The following SORD variants were observed in gnomAD, a reference collection of about 807,000 sequenced individuals.
SORD encodes the protein (R,R)-butanediol dehydrogenase.
In SORD, 18 loss-of-function variants were observed where a neutral mutation model predicts 35.6. That is an observed-to-expected ratio of 0.51 (90% confidence interval 0.35 to 0.75). The LOEUF is 0.75. Among genes scored for constraint, SORD ranks in the 30% least tolerant of loss-of-function variants. The pLI is 0.01. For missense variants in SORD, 250 were observed against 390.2 expected, an observed-to-expected ratio of 0.64 and a Z score of 3.03; for synonymous variants, 106 against 152.9, an observed-to-expected ratio of 0.69 and a Z score of 2.26.
At chr15:45,045,766 G>A (rs1363488117) in intron 3 of SORD, among the ~76,000 whole-genome samples, 2 of 152,080 alleles carry the variant, frequency 1.3e-5, no homozygotes. Flanking sequence ...CACTTTGGGA[G>A]GCCGAGGCAG....
At chr15:45,036,196 C>T (rs1252454093) in intron 1 of SORD, 1 of 380,344 alleles carries the variant, frequency 2.6e-6, no homozygotes, top group Non-Finnish European at 5.1e-6. Flanking sequence ...GGAACTGTAA[C>T]ACTCAATGCG....
chr15:45,055,669 C>T (rs528854284), intron 3 of SORD, among the ~76,000 whole-genome samples: 271 of 152,244 alleles, frequency 1.8e-3, no homozygotes, highest in African/African-American at 6.2e-3. Context: ...ATACCAAAGC[C>T]GGGCAGAGAC....
At chr15:45,059,341 C>CA (rs953604066) in intron 3 of SORD, among the ~76,000 whole-genome samples, 16 of 149,250 alleles carry the variant, frequency 1.1e-4, no homozygotes, top group African/African-American at 3.7e-4. Context: ...AAAAAACAAA[C>CA]AAAAAAACCA....
At chr15:45,025,385 C>A (rs1266480196) in intron 1 of SORD, among the ~76,000 whole-genome samples, 2 of 152,094 alleles carry the variant, frequency 1.3e-5, no homozygotes, top group African/African-American at 2.4e-5. Context: ...TGCCTGTAAT[C>A]CCAGCACTTT....
chr15:45,039,777 T>C (rs1892936544), intron 1 of SORD, among the ~76,000 whole-genome samples: 1 of 152,158 alleles, frequency 6.6e-6, no homozygotes, highest in Non-Finnish European at 1.5e-5. Context: ...TTCTCCTACC[T>C]GTCTAGCGGG....
At chr15:45,025,282 G>A (rs909154020) in intron 1 of SORD, among the ~76,000 whole-genome samples, 4 of 152,180 alleles carry the variant, frequency 2.6e-5, no homozygotes, top group African/African-American at 9.7e-5. Flanking sequence ...GGAAGTGGTA[G>A]CGTCATTTAC....
chr15:45,053,351 C>A (rs1230524022), intron 3 of SORD, among the ~76,000 whole-genome samples: 1 of 152,160 alleles, frequency 6.6e-6, no homozygotes, highest in Non-Finnish European at 1.5e-5. Flanking sequence ...TTTGATGGAG[C>A]CATTGCTGAA....
chr15:45,034,230 G>T (rs1892824629), intron 1 of SORD, among the ~76,000 whole-genome samples: 1 of 152,020 alleles, frequency 6.6e-6, no homozygotes, highest in Non-Finnish European at 1.5e-5. Flanking sequence ...GCACACAGGG[G>T]TTACATAACT....
chr15:45,034,909 G>C (rs1333842164), intron 1 of SORD, among the ~76,000 whole-genome samples: 2 of 152,208 alleles, frequency 1.3e-5, no homozygotes, highest in East Asian at 3.9e-4. Flanking sequence ...GCGTGGGCTT[G>C]GCGGGCCCCG....
chr15:45,065,277 T>C lies in SORD; in HGVS notation c.432T>C (p.Pro144=), dbSNP rs1342245133. The C allele has an allele frequency of 6.2e-7, 1 of 1,613,256 alleles. No individual in the cohort carries two copies. Among genetic ancestry groups the C allele is most frequent in the African/African-American group, 1.3e-5 (1 of 74,988 alleles). ...GTGTCAATTGACTCCTCAGGCTTCC[T>C]GACAATGTCACCTTTGAGGAAGGCG... ...KHNAAFCYKL[P]DNVTFEEGAL... The change falls in exon 5 of 9, where the codon CCT becomes CCC. Residue 144 remains proline, a synonymous_variant. Coordinates refer to ENST00000267814, the MANE Select transcript of SORD (RefSeq NM_003104.6).
chr15:45,023,256 G>A lies in SORD; in HGVS notation c.-28G>A. The stretch of plus-strand genomic sequence containing the variant: ...GCGACCAAACGTCCCGCGCCTTCCA[G>A]GCCGCACTCCAGAGCCAAAAGAGCT... On this transcript the variant is annotated 5_prime_UTR_variant, in exon 1 of 9. Transcript: ENST00000267814. 1 of 1,538,358 alleles carries A rather than the reference G, an allele frequency of 6.5e-7. No homozygotes were observed. The highest frequency in any genetic ancestry group is 8.7e-7 in the Non-Finnish European group (1 of 1,143,464).
intron 1 of SORD, among the ~76,000 whole-genome samples, chr15:45,023,921 T>G (rs1410971606): frequency 6.6e-6 from 1 of 152,222 alleles, no homozygotes; most frequent in East Asian, 1.9e-4. Flanking sequence ...GAACCCCTGC[T>G]GTTCCCCTTG....
At chr15:45,034,492 T>C (rs1487888446) in intron 1 of SORD, among the ~76,000 whole-genome samples, 1 of 152,216 alleles carries the variant, frequency 6.6e-6, no homozygotes, top group East Asian at 1.9e-4. Flanking sequence ...TTTAGGCTAA[T>C]GTAAAAAAAT....
chr15:45,071,690 G>T (rs1893516165), intron 7 of SORD, among the ~76,000 whole-genome samples: 1 of 150,086 alleles, frequency 6.7e-6, no homozygotes, highest in Admixed American at 6.7e-5. Flanking sequence ...ATTTTCAGGA[G>T]AAATTTCACT....
intron 3 of SORD, chr15:45,047,162 C>T (rs1893058031): frequency 6.6e-6 from 1 of 152,116 alleles, no homozygotes; most frequent in South Asian, 2.1e-4. Context: ...GGAGTATTAT[C>T]TGTAACTGAG....
chr15:45,031,532 C>T (rs1248665256), intron 1 of SORD, among the ~76,000 whole-genome samples: 1 of 152,268 alleles, frequency 6.6e-6, no homozygotes, highest in Admixed American at 6.5e-5. Flanking sequence ...GGCTCTCGGC[C>T]ATGGTCACTT....
intron 7 of SORD, among the ~76,000 whole-genome samples, chr15:45,069,443 C>G (rs763873835): frequency 6.6e-6 from 1 of 151,916 alleles, no homozygotes; most frequent in Admixed American, 6.6e-5. Context: ...ATCTCCTGAC[C>G]TCATGATCCG....
At chr15:45,058,956 C>A (rs558601760) in intron 3 of SORD, among the ~76,000 whole-genome samples, 16 of 152,294 alleles carry the variant, frequency 1.1e-4, no homozygotes, top group Admixed American at 9.8e-4. Flanking sequence ...TCCACCCCAC[C>A]CCATGCAAGT....
rs1893320643 is a variant in SORD at position 45,061,967 on chromosome 15, A to C, written c.425+741A>C. Among the ~76,000 whole-genome samples the C allele has an allele frequency of 3.3e-5, 5 of 152,252 alleles. No individual in the cohort carries two copies. In the South Asian group the frequency reaches 1.0e-3, roughly 32 times the overall value. ...AGGTGTGGTGTGCTGCCAGGGCTTG[A>C]GCTCTGGGATCCTGGATCTACTCCC... On this transcript the variant is annotated intron_variant, in intron 4 of 8. Coordinates refer to ENST00000267814, the MANE Select transcript of SORD (RefSeq NM_003104.6).
Sources: gnomAD v4.1 joint callset for allele counts (sites outside exome capture counted in the v4.1 genomes callset) on GRCh38, gnomAD v4.1.1 for gene constraint, MANE v1.5 for transcripts, NCBI Gene and HGNC (gene_info 2026-07-23, HGNC 2026-07-21) for gene names.